The following NAV2 variants were observed in gnomAD, a reference collection of about 807,000 sequenced individuals.
NAV2 encodes neuron navigator 2, also known as helicase, APC down-regulated 1.
NAV2 carries 54 observed loss-of-function variants against 223.2 expected under a neutral mutation model. The ratio of observed to expected loss-of-function variants is 0.24; its 90% CI spans 0.19 to 0.30. The LOEUF (loss-of-function observed/expected upper bound fraction) is 0.30, where lower values mean the gene tolerates loss of function less well. NAV2 is among the 10% of genes least tolerant of loss of function. NAV2 has a pLI of 1.00. For missense variants in NAV2, 2,806 were observed against 3,147.5 expected (o/e 0.89, Z 2.60); for synonymous variants, 1,279 against 1,239.3 (o/e 1.03, Z -0.67).
chr11:19,823,057 G>A (rs184353504), intron 1 of NAV2, among the ~76,000 whole-genome samples: 20 of 152,258 alleles, frequency 1.3e-4, no homozygotes, highest in African/African-American at 4.8e-4. Flanking sequence ...TTTATACAGA[G>A]TTTTGTTTGA....
In NAV2 at chr11:19,768,019, G is replaced by T. The variant is rs914951696; in HGVS notation, c.267+54057G>T. On this transcript the variant is annotated intron_variant, in intron 1 of 37. Coordinates refer to ENST00000349880, the MANE Select transcript of NAV2 (RefSeq NM_145117.5). The stretch of plus-strand genomic sequence containing the variant: ...TGTTTACCAGCTCTAAGAGCTAAGG[G>T]TTCCAGCTGGGACAGCAAATCCTCA... 3.5e-4 allele frequency among the ~76,000 whole-genome samples: 54 copies of T among 152,362 alleles called. 1 individual carries two copies. Among genetic ancestry groups the T allele is most frequent in the African/African-American group, 1.3e-3 (52 of 41,584 alleles).
chr11:19,892,654 T>A, intron 6 of NAV2, 60 bp downstream of exon 6: 3 of 1,558,276 alleles, frequency 1.9e-6, no homozygotes, highest in Non-Finnish European at 2.6e-6. Context: ...TCTACCTAGT[T>A]CCTTCGGGTG....
At chr11:19,983,802 C>T (rs189152566) in intron 10 of NAV2, among the ~76,000 whole-genome samples, 48 of 152,332 alleles carry the variant, frequency 3.2e-4, no homozygotes, top group African/African-American at 9.6e-4. Context: ...TAATCGCTGA[C>T]ATTGAAAAGA....
intron 1 of NAV2, among the ~76,000 whole-genome samples, chr11:19,479,877 C>G (rs1300768527): frequency 6.6e-6 from 1 of 152,144 alleles, no homozygotes; most frequent in Non-Finnish European, 1.5e-5. Context: ...AGCCCCACCT[C>G]CAGTTGAAAA....
At chr11:19,372,945 C>T (rs1848521241) in intron 1 of NAV2, among the ~76,000 whole-genome samples, 1 of 152,182 alleles carries the variant, frequency 6.6e-6, no homozygotes, top group African/African-American at 2.4e-5. Context: ...ACTGATTTCT[C>T]GTTTTTAAAT....
chr11:19,845,068 A>G (rs929930763), intron 3 of NAV2, among the ~76,000 whole-genome samples: 1 of 152,184 alleles, frequency 6.6e-6, no homozygotes, highest in Non-Finnish European at 1.5e-5. Flanking sequence ...ATCACAAAAC[A>G]ATGACAAGTT....
chr11:19,752,050 C>G (rs569012813), intron 1 of NAV2, among the ~76,000 whole-genome samples: 47 of 152,268 alleles, frequency 3.1e-4, no homozygotes, highest in South Asian at 1.2e-3. Flanking sequence ...TGAAAATAGG[C>G]CAACAGTCAT....
chr11:20,061,850 A>G (rs1234735812), intron 19 of NAV2, among the ~76,000 whole-genome samples: 1 of 152,238 alleles, frequency 6.6e-6, no homozygotes, highest in African/African-American at 2.4e-5. Flanking sequence ...TACAACTGAC[A>G]GATGCCAACA....
chr11:19,620,808 G>A (rs1273638509), intron 1 of NAV2, among the ~76,000 whole-genome samples: 1 of 152,138 alleles, frequency 6.6e-6, no homozygotes, highest in Non-Finnish European at 1.5e-5. Context: ...TTGAATAGGA[G>A]TGGTGAGAGA....
chr11:19,532,096 C>A (rs192052587), intron 1 of NAV2, among the ~76,000 whole-genome samples: 30 of 152,318 alleles, frequency 2.0e-4, no homozygotes, highest in African/African-American at 6.7e-4. Context: ...AAGGACTGAG[C>A]ACTAGCATGG....
At chr11:19,348,755 G>A (rs1472610845), upstream of NAV2, among the ~76,000 whole-genome samples, 1 of 152,128 alleles carries the variant, frequency 6.6e-6, no homozygotes, top group East Asian at 1.9e-4. Context: ...ATTTTGTGTG[G>A]TATCATTCTC....
intron 1 of NAV2, among the ~76,000 whole-genome samples, chr11:19,397,423 G>A (rs540627475): frequency 4.7e-5 from 7 of 148,788 alleles, no homozygotes; most frequent in Non-Finnish European, 8.9e-5. Context: ...GTGTGTGCGC[G>A]CATGTGTGTG....
intron 1 of NAV2, among the ~76,000 whole-genome samples, chr11:19,371,626 C>T (rs4757793): frequency 0.7 from 106,588 of 152,014 alleles, 37,580 homozygotes; most frequent in South Asian, 0.84. Context: ...TTAAGAATAA[C>T]TTATGCCATA....
intron 1 of NAV2, among the ~76,000 whole-genome samples, chr11:19,649,314 A>T (rs1389816337): frequency 6.6e-6 from 1 of 152,200 alleles, no homozygotes; most frequent in Non-Finnish European, 1.5e-5. Flanking sequence ...GGGGACTTTC[A>T]TAATAAGATT....
rs116845944 is a variant in NAV2, at chr11:19,376,844, C to A, written c.75+25817C>A. 2.4e-3 allele frequency among the ~76,000 whole-genome samples: 363 copies of A among 152,254 alleles called. 1 individual carries two copies. Among genetic ancestry groups the A allele is most frequent in the South Asian group, 5.6e-3 (27 of 4,818 alleles). On this transcript the variant is annotated intron_variant, in intron 1 of 37. Coordinates refer to the NAV2 transcript ENST00000360655. ...TTCCTGGAGGAAGCAGTGCTGGAGC[C>A]AAGTCTGGATGTGTATGGTATTTAA...
At chr11:20,010,376 A>G (rs937776324) in intron 11 of NAV2, among the ~76,000 whole-genome samples, 18 of 152,286 alleles carry the variant, frequency 1.2e-4, no homozygotes, top group Admixed American at 3.3e-4. Flanking sequence ...CACTTAGGTC[A>G]ATTGGCTTAA....
At chr11:19,467,151 A>G (rs10833117) in intron 1 of NAV2, among the ~76,000 whole-genome samples, 48,075 of 152,068 alleles carry the variant, frequency 0.32, 8,097 homozygotes, top group South Asian at 0.39. Context: ...ACAGTAGAGC[A>G]TCCACTTTCC....
chr11:19,655,977 G>A (rs2048113595), intron 1 of NAV2, among the ~76,000 whole-genome samples: 1 of 152,176 alleles, frequency 6.6e-6, no homozygotes, highest in Non-Finnish European at 1.5e-5. Flanking sequence ...GGTTGGAGAA[G>A]GAAGATTGTC....
intron 1 of NAV2, among the ~76,000 whole-genome samples, chr11:19,731,109 T>C (rs573069604): frequency 2.4e-4 from 37 of 152,370 alleles, no homozygotes; most frequent in African/African-American, 8.9e-4. Flanking sequence ...GCAGCCATGA[T>C]GGATACCCAT....
Sources: allele counts gnomAD v4.1 joint callset (sites outside exome capture counted in the v4.1 genomes callset), GRCh38; gene constraint gnomAD v4.1.1; transcripts MANE v1.5; gene names NCBI Gene and HGNC (gene_info 2026-07-23, HGNC 2026-07-21).